Variants in MTMR12 observed in about 807,000 individuals in gnomAD.
MTMR12 encodes myotubularin-related protein 12.
Under a neutral mutation model 96.7 loss-of-function variants are expected in MTMR12, and 33 were observed. That is an observed-to-expected ratio of 0.34 (90% CI 0.26 to 0.46). MTMR12 has a LOEUF of 0.46. MTMR12 is among the 20% of genes least tolerant of loss of function. MTMR12 has a pLI of 1.00. For missense variants in MTMR12, 721 were observed against 896.1 expected (o/e 0.80, Z 2.49); for synonymous variants, 298 against 327.2 (o/e 0.91, Z 0.96).
intron 1 of MTMR12, among the ~76,000 whole-genome samples, chr5:32,293,058 A>C (rs752388240): frequency 4.6e-5 from 7 of 152,216 alleles, no homozygotes; most frequent in Non-Finnish European, 7.3e-5. Context: ...CAGTTGTATG[A>C]AGGATAGTTG....
At chr5:32,305,701 C>T (rs1479256444) in intron 1 of MTMR12, among the ~76,000 whole-genome samples, 5 of 152,048 alleles carry the variant, frequency 3.3e-5, no homozygotes, top group African/African-American at 1.2e-4. Context: ...GTTGGGAGTT[C>T]GAGACCAGCC....
chr5:32,284,662 C>A (rs1750451773), intron 1 of MTMR12, among the ~76,000 whole-genome samples: 1 of 152,170 alleles, frequency 6.6e-6, no homozygotes. Context: ...AACTCTGACA[C>A]TCCCTACCAA....
At chr5:32,261,773 A>G (rs1369103890) in intron 7 of MTMR12, among the ~76,000 whole-genome samples, 2 of 152,128 alleles carry the variant, frequency 1.3e-5, no homozygotes, top group Non-Finnish European at 2.9e-5. Context: ...AGAAGTGCTC[A>G]ATAAAAGGGA....
At chr5:32,281,799 C>T (rs1750304376) in intron 1 of MTMR12, among the ~76,000 whole-genome samples, 1 of 151,490 alleles carries the variant, frequency 6.6e-6, no homozygotes, top group South Asian at 2.1e-4. Flanking sequence ...ACTCAGGAGG[C>T]TGAGGCAGGA....
chr5:32,269,418 C>T (rs1749743868), intron 5 of MTMR12, among the ~76,000 whole-genome samples: 1 of 152,024 alleles, frequency 6.6e-6, no homozygotes, highest in Non-Finnish European at 1.5e-5. Flanking sequence ...ATTCTCCTAC[C>T]TCAGCCTCCT....
chr5:32,279,721 CA>C, intron 1 of MTMR12, among the ~76,000 whole-genome samples: 1 of 152,308 alleles, frequency 6.6e-6, no homozygotes, highest in Non-Finnish European at 1.5e-5. Context: ...ACGGACCTGG[CA>C]GGGGGGCAGG....
chr5:32,296,947 C>T, intron 1 of MTMR12, among the ~76,000 whole-genome samples: 1 of 151,306 alleles, frequency 6.6e-6, no homozygotes, highest in Admixed American at 6.6e-5. Flanking sequence ...CTAAAAAATA[C>T]AAAAAATTAG....
chr5:32,254,802 C>T (rs1212498210), intron 8 of MTMR12, among the ~76,000 whole-genome samples: 1 of 152,086 alleles, frequency 6.6e-6, no homozygotes, highest in Non-Finnish European at 1.5e-5. Context: ...AGAGATTGGG[C>T]CATTGCACTC....
chr5:32,254,130 C>T (rs1445007469), intron 8 of MTMR12, among the ~76,000 whole-genome samples: 1 of 152,208 alleles, frequency 6.6e-6, no homozygotes, highest in Non-Finnish European at 1.5e-5. Context: ...TTTCCAGACC[C>T]CTCTATGAAA....
At chr5:32,230,856 G>A (rs1747967937) in intron 15 of MTMR12, among the ~76,000 whole-genome samples, 1 of 152,234 alleles carries the variant, frequency 6.6e-6, no homozygotes, top group Admixed American at 6.5e-5. Flanking sequence ...TCACATGGGT[G>A]AAATAGCAGC....
At chr5:32,270,677 A>C (rs1749795409) in intron 5 of MTMR12, 140 bp downstream of exon 5, 1 of 919,504 alleles carries the variant, frequency 1.1e-6, no homozygotes, top group East Asian at 2.6e-5. Context: ...CGTTCTAATC[A>C]AAGAATATGG....
chr5:32,283,208 CTCTT>C (rs768321963), intron 1 of MTMR12, among the ~76,000 whole-genome samples: 3 of 152,170 alleles, frequency 2.0e-5, no homozygotes, highest in African/African-American at 4.8e-5. Flanking sequence ...TAAATATAAT[CTCTT>C]TCTTAGTGGC....
rs1240327519 is a variant in MTMR12 at position 32,233,167 on chromosome 5, A to C, written c.1674+606T>G. ...TCTGGCCTGGCGCCTGTTCTCGTAA[A>C]CACTGGAACACAGCTATGCCTACTT... is the stretch of plus-strand genomic sequence containing the variant. On this transcript the variant is annotated intron_variant, in intron 15 of 15. Coordinates refer to ENST00000382142, the MANE Select transcript of MTMR12 (RefSeq NM_001040446.3). The surrounding 1 kb of genome is among the most constrained non-coding windows in gnomAD (Gnocchi z 5.0). 1 of 208,644 alleles carries C rather than the reference A, an allele frequency of 4.8e-6. No homozygotes were observed. Among genetic ancestry groups the C allele is most frequent in the Non-Finnish European group, 8.3e-6 (1 of 120,156 alleles). 12.9% of individuals were successfully genotyped at this position (208,644 alleles called of 1,614,324 possible). A position where few individuals can be genotyped will look rare whatever the true frequency, so the allele number is the denominator to read the frequency against.
At chr5:32,252,493 C>T (rs575092152) in intron 8 of MTMR12, among the ~76,000 whole-genome samples, 28 of 152,290 alleles carry the variant, frequency 1.8e-4, no homozygotes, top group African/African-American at 6.5e-4. Flanking sequence ...GATTTGAGTG[C>T]TTATATGCCA....
At chr5:32,263,914 T>C (rs778979425) in intron 6 of MTMR12, among the ~76,000 whole-genome samples, 3 of 152,196 alleles carry the variant, frequency 2.0e-5, no homozygotes, top group Non-Finnish European at 4.4e-5. Flanking sequence ...GCCCTGCCAA[T>C]GTGTGCATAA....
intron 7 of MTMR12, 142 bp downstream of exon 7, chr5:32,262,971 G>A: frequency 9.7e-7 from 1 of 1,035,658 alleles, no homozygotes; most frequent in South Asian, 1.8e-5. Flanking sequence ...ACAGCCAATG[G>A]GTATGGAGTT....
chr5:32,259,828 G>A (rs1431215655), intron 7 of MTMR12, among the ~76,000 whole-genome samples: 1 of 152,088 alleles, frequency 6.6e-6, no homozygotes, highest in Non-Finnish European at 1.5e-5. Flanking sequence ...TTGAGGTCAG[G>A]AGTTCAAGAC....
Position 32,306,511 on chromosome 5 carries a change from A to AT in MTMR12, c.81+6246dup, listed in dbSNP as rs934377517. Reference sequence around the variant, plus strand: ...AAATAAGAACTAGGCAACAGAATACATTTTTTCCTGAGGGATAAATGAAAA... The same window carrying AT: ...AAATAAGAACTAGGCAACAGAATACATTTTTTTCCTGAGGGATAAATGAAAA... On this transcript the variant is annotated intron_variant, in intron 1 of 15. Transcript: ENST00000382142. Among the ~76,000 whole-genome samples the AT allele has an allele frequency of 4.6e-5, 7 of 152,024 alleles. No homozygotes were observed. The East Asian group carries it at 1.2e-3, about 25-fold the overall frequency.
chr5:32,241,061 T>C (rs1421587111), intron 12 of MTMR12, among the ~76,000 whole-genome samples: 1 of 152,224 alleles, frequency 6.6e-6, no homozygotes, highest in African/African-American at 2.4e-5. Flanking sequence ...AGTCAAAGAT[T>C]CAAATTTCAC....
Sources: gnomAD v4.1 joint callset for allele counts (sites outside exome capture counted in the v4.1 genomes callset) on GRCh38, gnomAD v4.1.1 for gene constraint, Gnocchi (gnomAD v3.1) non-coding constraint, MANE v1.5 for transcripts, NCBI Gene and HGNC (gene_info 2026-07-23, HGNC 2026-07-21) for gene names.